The following ZNF649 variants were observed in gnomAD, a reference collection of about 807,000 sequenced individuals.
The protein encoded by ZNF649 is zinc finger protein 649.
In ZNF649, 7 loss-of-function variants were observed where a neutral mutation model predicts 14.1. The ratio of observed to expected loss-of-function variants is 0.49; its 90% CI spans 0.28 to 0.93. The LOEUF is 0.93. ZNF649 is among the 40% of genes least tolerant of loss of function. The pLI is 0.10. For synonymous variants in ZNF649, 227 were observed against 212.3 expected, an observed-to-expected ratio of 1.07 and a Z score of -0.60; for missense variants, 544 against 608.1, an observed-to-expected ratio of 0.89 and a Z score of 1.11.
intron 3 of ZNF649, 64 bp downstream of exon 3, chr19:51,896,788 A>G: frequency 6.2e-7 from 1 of 1,614,122 alleles, no homozygotes; most frequent in South Asian, 1.1e-5. Flanking sequence ...AAGCTTCCAG[A>G]AGCTGAGAAA....
chr19:51,890,954 T>C lies in ZNF649; in HGVS notation c.1182A>G (p.Lys394=), dbSNP rs778069156. 3.7e-6 allele frequency: 6 copies of C among 1,613,962 alleles called. No homozygotes were observed. Among genetic ancestry groups the C allele is most frequent in the Non-Finnish European group, 3.4e-6 (4 of 1,179,876 alleles). The change falls in exon 5 of 5, where the codon AAA becomes AAG. Residue 394 remains lysine, a synonymous_variant. Transcript: ENST00000354957. ...TATAGGGTTTCTCTCCTGAGTGAAT[T>C]TTCTGATGTCTAATGAGTCCTGACT... ...SQKSGLIRHQ[K]IHSGEKPYKC... is the part of the protein sequence containing the mutation.
chr19:51,901,642 C>T (rs1219136719), intron 1 of ZNF649, among the ~76,000 whole-genome samples: 1 of 150,046 alleles, frequency 6.7e-6, no homozygotes, highest in Non-Finnish European at 1.5e-5. Flanking sequence ...AAGACCCTGT[C>T]TCTTAAAAAT....
rs2085016996 is a variant in ZNF649, at chr19:51,890,866, G to A, written c.1270C>T (p.His424Tyr). Residue 424 changes from histidine (H) to tyrosine (Y), a missense_variant, in exon 5 of 5, where the codon CAC becomes TAC. By Grantham distance (83) the His-to-Tyr change is moderately conservative. Transcript: ENST00000354957. ...CAGCCATAGGGTCTCTCTCCCGTGT[G>A]AGTTCTGTGATGTACAATGAGCATT... ...KTMLIVHHRT[H>Y]TGERPYGCDE... is the part of the protein sequence containing the mutation. 2 of 1,614,138 alleles carry A rather than the reference G, an allele frequency of 1.2e-6. No individual in the cohort carries two copies. Among genetic ancestry groups the A allele is most frequent in the Non-Finnish European group, 1.7e-6 (2 of 1,180,056 alleles).
intron 2 of ZNF649, among the ~76,000 whole-genome samples, chr19:51,898,320 C>T (rs1467999895): frequency 6.6e-6 from 1 of 152,202 alleles, no homozygotes; most frequent in African/African-American, 2.4e-5. Flanking sequence ...CACGTTATCA[C>T]ACTTCTGTCC....
At chr19:51,904,033 C>A (rs8107388) in intron 1 of ZNF649, 34,776 of 152,798 alleles carry the variant, frequency 0.23, 5,689 homozygotes, top group African/African-American at 0.47. Flanking sequence ...TACTCATAGA[C>A]TGCTGAATGT....
At chr19:51,897,825 A>G (rs1249779694) in intron 2 of ZNF649, among the ~76,000 whole-genome samples, 1 of 152,116 alleles carries the variant, frequency 6.6e-6, no homozygotes, top group Non-Finnish European at 1.5e-5. Flanking sequence ...TTTCACATTG[A>G]AAATCTATCC....
chr19:51,892,882 A>G (rs1338074550), intron 4 of ZNF649, among the ~76,000 whole-genome samples: 1 of 152,236 alleles, frequency 6.6e-6, no homozygotes, highest in African/African-American at 2.4e-5. Flanking sequence ...CCCTACATTT[A>G]AAGAATAAAC....
Position 51,891,503 on chromosome 19 carries a change from A to G in ZNF649, c.633T>C (p.Cys211=). The G allele has an allele frequency of 1.9e-6, 3 of 1,614,204 alleles. No individual in the cohort carries two copies. The highest frequency in any genetic ancestry group is 2.5e-6 in the Non-Finnish European group (3 of 1,180,032). ...TGTACTTCTTGTAGAAGGCTTTCCC[A>G]CACAAGCTACACACGTGGGGTTTCT... ...TGKKPHVCSL[C]GKAFYKKYRL... Residue 211 remains cysteine, a synonymous_variant, in exon 5 of 5, where the codon TGT becomes TGC. Coordinates refer to ENST00000354957, the MANE Select transcript of ZNF649 (RefSeq NM_023074.4). The surrounding 1 kb of genome is among the most constrained non-coding windows in gnomAD (Gnocchi z 4.2).
intron 1 of ZNF649, chr19:51,904,128 T>G (rs1480550705): frequency 6.6e-6 from 1 of 152,228 alleles, no homozygotes; most frequent in East Asian, 1.9e-4. Flanking sequence ...TGTATGTCAC[T>G]TTACCTTTTT....
In ZNF649 at chr19:51,890,535, T is replaced by C. The variant is rs1012260690; in HGVS notation, c.*83A>G. ...ATCTTGTAAACCCTACTATACATAT[T>C]AGTGCAGGGAGCCAAAGGCCCATGG... On this transcript the variant is annotated 3_prime_UTR_variant, in exon 5 of 5. Transcript: ENST00000354957. 20 of 848,212 alleles carry C rather than the reference T, an allele frequency of 2.4e-5. No homozygotes were observed. The African/African-American group carries it at 2.7e-4, about 12-fold the overall frequency. The allele number at this position is 848,212 out of a possible 1,614,324, so 52.5% of individuals were successfully genotyped here. A position where few individuals can be genotyped will look rare whatever the true frequency, so the allele number is the denominator to read the frequency against.
chr19:51,904,618 A>T (rs769192226), intron 1 of ZNF649, among the ~76,000 whole-genome samples: 6 of 151,818 alleles, frequency 4.0e-5, no homozygotes, highest in Non-Finnish European at 8.8e-5. Flanking sequence ...TGGAGTGATA[A>T]TAATGGCGTC....
At chr19:51,903,352 G>T (rs147216614) in intron 1 of ZNF649, among the ~76,000 whole-genome samples, 1,868 of 152,066 alleles carry the variant, frequency 0.012, 19 homozygotes, top group Non-Finnish European at 0.021. Context: ...CAAATGACAT[G>T]GTTAGTTGCC....
At position 51,889,636 on chromosome 19, in the gene ZNF649, C is replaced by G. The variant is rs915865109; in HGVS notation, c.*982G>C. ...AAGGTCACACTTCCTAATGCCATCC[C>G]TTAGGGATTAGGACTTCAACATGTA... is the stretch of plus-strand genomic sequence containing the variant. On this transcript the variant is annotated 3_prime_UTR_variant, in exon 5 of 5. Transcript: ENST00000354957. 5.5e-4 allele frequency: 84 copies of G among 152,296 alleles called. No homozygotes were observed. The highest frequency in any genetic ancestry group is 2.0e-3 in the African/African-American group (84 of 41,574). The allele number at this position is 152,296 out of a possible 1,614,324, so 9.4% of individuals were successfully genotyped here. A position where few individuals can be genotyped will look rare whatever the true frequency, so the allele number is the denominator to read the frequency against.
chr19:51,892,002 C>A, intron 4 of ZNF649, 105 bp from the exon 5 acceptor site: 3 of 1,284,306 alleles, frequency 2.3e-6, no homozygotes, highest in South Asian at 1.7e-5. Context: ...CCTATAATAC[C>A]AACATGGAAG....
chr19:51,894,322 CAG>C (rs1422635511), intron 4 of ZNF649, among the ~76,000 whole-genome samples: 1 of 152,018 alleles, frequency 6.6e-6, no homozygotes, highest in Non-Finnish European at 1.5e-5. Context: ...TATGTAGAGA[CAG>C]GGTTTCACCA....
At chr19:51,892,262 G>A (rs2085028949) in intron 4 of ZNF649, among the ~76,000 whole-genome samples, 2 of 151,946 alleles carry the variant, frequency 1.3e-5, no homozygotes, top group South Asian at 4.1e-4. Flanking sequence ...TGTAGTCCCA[G>A]CTACTCAGGA....
At chr19:51,896,068 G>C (rs1599887359) in intron 4 of ZNF649, 1 of 180,012 alleles carries the variant, frequency 5.6e-6, no homozygotes, top group South Asian at 1.1e-4. Flanking sequence ...TGCCTGGGCT[G>C]TGAGAAAACA....
rs1239603787 is a variant in ZNF649, at chr19:51,893,251, T to C, written c.239-1354A>G. The stretch of plus-strand genomic sequence containing the variant: ...TCCACTCCAAAATGAAAGTGGATTA[T>C]ATGTTACATATATGTTTGCTCACTA... On this transcript the variant is annotated intron_variant, in intron 4 of 4. Coordinates refer to ENST00000354957, the MANE Select transcript of ZNF649 (RefSeq NM_023074.4). Among the ~76,000 whole-genome samples the C allele has an allele frequency of 2.0e-5, 3 of 152,210 alleles. No homozygotes were observed. In the East Asian group the frequency reaches 5.8e-4, roughly 29 times the overall value.
intron 1 of ZNF649, among the ~76,000 whole-genome samples, chr19:51,902,499 G>A (rs940424418): frequency 1.3e-5 from 2 of 152,168 alleles, no homozygotes; most frequent in African/African-American, 4.8e-5. Flanking sequence ...ACATTTACTG[G>A]TTTATTTCAA....
Sources: allele counts gnomAD v4.1 joint callset (sites outside exome capture counted in the v4.1 genomes callset), GRCh38; gene constraint gnomAD v4.1.1; non-coding constraint Gnocchi (gnomAD v3.1); transcripts MANE v1.5; gene names NCBI Gene and HGNC (gene_info 2026-07-23, HGNC 2026-07-21).